The following LINGO2 variants were observed in gnomAD, a reference collection of about 807,000 sequenced individuals.
The protein encoded by LINGO2 is leucine-rich repeat and immunoglobulin-like domain-containing nogo receptor-interacting protein 2.
Under a neutral mutation model 30.6 loss-of-function variants are expected in LINGO2, and 14 were observed. That is an observed-to-expected ratio of 0.46 (90% CI 0.30 to 0.72). LINGO2 has a LOEUF of 0.72. Among genes scored for constraint, LINGO2 ranks in the 30% least tolerant of loss-of-function variants. The pLI, the probability that LINGO2 is intolerant of heterozygous loss-of-function variation, is 0.07. For synonymous variants in LINGO2, 317 were observed against 288.5 expected (o/e 1.10, Z -1.00); for missense variants, 729 against 751.7 (o/e 0.97, Z 0.35).
At chr9:28,816,968 A>T in the LINGO2 span, among the ~76,000 whole-genome samples, 8 of 152,202 alleles carry the variant, frequency 5.3e-5, no homozygotes, top group Non-Finnish European at 1.2e-4. Context: ...CAGCTTATTA[A>T]TTTACTATAC....
rs1362436790 is a variant in LINGO2 at position 28,129,598 on chromosome 9, G to A, written c.-86-117193C>T. ...CCCAACTCACTTGACCTATCTGCCT[G>A]TACGTAAGTAGCTAAAACTCATCAA... is the stretch of plus-strand genomic sequence containing the variant. On this transcript the variant is annotated intron_variant, in intron 4 of 5. Coordinates refer to ENST00000379992, the Ensembl canonical transcript of LINGO2. The surrounding 1 kb of genome is among the most constrained non-coding windows in gnomAD (Gnocchi z 4.0). 2.0e-5 allele frequency: 3 copies of A among 152,188 alleles called. No individual in the cohort carries two copies. Among genetic ancestry groups the A allele is most frequent in the Non-Finnish European group, 4.4e-5 (3 of 68,046 alleles). The allele number at this position is 152,188 out of a possible 1,614,324, so 9.4% of individuals were successfully genotyped here.
chr9:29,023,559 T>C, the LINGO2 span, among the ~76,000 whole-genome samples: 3 of 152,138 alleles, frequency 2.0e-5, no homozygotes, highest in Admixed American at 1.3e-4. Flanking sequence ...ATACAGTAGT[T>C]ACAAAATGGT....
At chr9:28,152,066 A>G (rs920985661) in intron 4 of LINGO2, among the ~76,000 whole-genome samples, 1 of 152,216 alleles carries the variant, frequency 6.6e-6, no homozygotes, top group East Asian at 1.9e-4. Context: ...TAGAACTGGC[A>G]AAAGAATAGG....
the LINGO2 span, among the ~76,000 whole-genome samples, chr9:28,782,089 C>T: frequency 6.6e-6 from 1 of 152,120 alleles, no homozygotes; most frequent in Admixed American, 6.5e-5. Flanking sequence ...AATCACTACT[C>T]ATACACCATT....
the LINGO2 span, among the ~76,000 whole-genome samples, chr9:29,170,266 C>A: frequency 1.3e-5 from 2 of 152,018 alleles, no homozygotes; most frequent in Admixed American, 1.3e-4. Context: ...TACTACTCAG[C>A]CATAAAAAAG....
At chr9:28,205,385 A>G (rs1820374751) in intron 4 of LINGO2, among the ~76,000 whole-genome samples, 1 of 152,114 alleles carries the variant, frequency 6.6e-6, no homozygotes, top group Non-Finnish European at 1.5e-5. Flanking sequence ...CAAACGTCAC[A>G]TTCCCAGAGA....
intron 5 of LINGO2, among the ~76,000 whole-genome samples, chr9:27,999,436 CAGAGAGAGAGAGAGAGAGAGAGAG>C (rs36216761): frequency 4.2e-5 from 6 of 143,684 alleles, no homozygotes; most frequent in Non-Finnish European, 9.1e-5. Context: ...GCCTAATCTT[CAGAGAGAGAGAGAGAGAGAGAGAG>C]AGAGAGAGAG....
chr9:28,127,794 C>T (rs10511822), intron 4 of LINGO2, among the ~76,000 whole-genome samples: 18,980 of 152,114 alleles, frequency 0.12, 1,264 homozygotes, highest in East Asian at 0.21. Context: ...CCTTTGATGC[C>T]GTTTTTGCTA....
chr9:28,637,383 T>C (rs1214161628), intron 1 of LINGO2, among the ~76,000 whole-genome samples: 1 of 152,208 alleles, frequency 6.6e-6, no homozygotes, highest in African/African-American at 2.4e-5. Context: ...TTGATGGGGA[T>C]GGCATTGAAT....
intron 1 of LINGO2, among the ~76,000 whole-genome samples, chr9:28,496,559 T>G (rs1349258180): frequency 1.3e-5 from 2 of 151,768 alleles, no homozygotes; most frequent in Non-Finnish European, 1.5e-5. Context: ...TGTCTCTGCA[T>G]GTGAGATGGG....
chr9:28,067,323 C>T (rs1825343503), intron 4 of LINGO2, among the ~76,000 whole-genome samples: 1 of 151,844 alleles, frequency 6.6e-6, no homozygotes, highest in Admixed American at 6.6e-5. Context: ...TGCATATTTA[C>T]CAAAACTTAG....
intron 1 of LINGO2, among the ~76,000 whole-genome samples, chr9:28,564,731 C>T (rs1823278018): frequency 6.6e-6 from 1 of 152,116 alleles, no homozygotes; most frequent in Non-Finnish European, 1.5e-5. Context: ...TAAACCTGCA[C>T]TGTTTAATGC....
At chr9:28,822,034 G>T in the LINGO2 span, among the ~76,000 whole-genome samples, 1 of 152,208 alleles carries the variant, frequency 6.6e-6, no homozygotes, top group Non-Finnish European at 1.5e-5. Flanking sequence ...GACAAAACCA[G>T]CCTGGTCAGA....
At chr9:28,999,784 TAGAAAA>T in the LINGO2 span, among the ~76,000 whole-genome samples, 3 of 151,972 alleles carry the variant, frequency 2.0e-5, no homozygotes, top group South Asian at 2.1e-4. Context: ...ATGCAACCTT[TAGAAAA>T]AGAAAAAGAA....
the LINGO2 span, among the ~76,000 whole-genome samples, chr9:29,155,583 A>T: frequency 6.6e-6 from 1 of 151,590 alleles, no homozygotes; most frequent in Non-Finnish European, 1.5e-5. Context: ...AATAATCTAA[A>T]AATAAATGAG....
At chr9:28,064,217 GTATTT>G (rs1825241349) in intron 4 of LINGO2, among the ~76,000 whole-genome samples, 1 of 152,086 alleles carries the variant, frequency 6.6e-6, no homozygotes, top group Non-Finnish European at 1.5e-5. Context: ...TTAGGACAGT[GTATTT>G]CAGGGTAGAT....
the LINGO2 span, among the ~76,000 whole-genome samples, chr9:28,769,190 A>G: frequency 0.87 from 131,048 of 151,126 alleles, 57,039 homozygotes; most frequent in East Asian, 0.95. Flanking sequence ...ACTCCCTGTA[A>G]CCCTTATTTA....
In LINGO2 at chr9:28,169,412, G is replaced by A. The variant is rs114244581; in HGVS notation, c.-87+125796C>T. Among the ~76,000 whole-genome samples, 349 of 152,234 alleles carry A rather than the reference G, an allele frequency of 2.3e-3. 1 individual carries two copies. Among genetic ancestry groups the A allele is most frequent in the African/African-American group, 7.9e-3 (329 of 41,550 alleles). ...CAGAATTTCCAATCAGAATAAGAAT[G>A]AGGCTTTTAGAAATCAATACTTTAC... On this transcript the variant is annotated intron_variant, in intron 4 of 5. Coordinates refer to ENST00000379992, the Ensembl canonical transcript of LINGO2.
At chr9:28,303,775 G>A (rs1406410383) in intron 3 of LINGO2, among the ~76,000 whole-genome samples, 1 of 151,954 alleles carries the variant, frequency 6.6e-6, no homozygotes, top group African/African-American at 2.4e-5. Flanking sequence ...TTCATGTTGA[G>A]TAGGCTAAGG....
Sources: gnomAD v4.1 joint callset for allele counts (sites outside exome capture counted in the v4.1 genomes callset) on GRCh38, gnomAD v4.1.1 for gene constraint, Gnocchi (gnomAD v3.1) non-coding constraint, MANE v1.5 for transcripts, NCBI Gene and HGNC (gene_info 2026-07-23, HGNC 2026-07-21) for gene names.